Variants in EZR observed in about 807,000 individuals in gnomAD.
The protein encoded by EZR is cytovillin 2.
Under a neutral mutation model 74.8 loss-of-function variants are expected in EZR, and 40 were observed. The observed-to-expected ratio is 0.53, with a 90% confidence interval of 0.42 to 0.70. The LOEUF (loss-of-function observed/expected upper bound fraction) is 0.70. Ranked by LOEUF, EZR falls within the 30% of genes least tolerant of loss-of-function variation. The probability of loss-of-function intolerance (pLI) is 0.00; values close to 1 mark genes in which losing one functional copy is unlikely to be tolerated. For synonymous variants in EZR, 341 were observed against 283.3 expected, an observed-to-expected ratio of 1.20 and a Z score of -2.05; for missense variants, 678 against 755.8, an observed-to-expected ratio of 0.90 and a Z score of 1.21.
At position 158,766,187 on chromosome 6, in the gene EZR, T is replaced by C. The variant is rs1790795904; in HGVS notation, c.*727A>G. 1 of 152,618 alleles carries C rather than the reference T, an allele frequency of 6.6e-6. No individual in the cohort carries two copies. Among genetic ancestry groups the C allele is most frequent in the Non-Finnish European group, 1.5e-5 (1 of 68,046 alleles). 9.5% of individuals were successfully genotyped at this position (152,618 alleles called of 1,614,324 possible). ...GGTAACAAAATATACAGAACAAAAC[T>C]TTCCCTTTTTAAAACTAATGTTACA... On this transcript the variant is annotated 3_prime_UTR_variant, in exon 14 of 14. Coordinates refer to ENST00000367075, the MANE Select transcript of EZR (RefSeq NM_001111077.2).
intron 2 of EZR, among the ~76,000 whole-genome samples, chr6:158,804,439 G>A (rs969344941): frequency 6.6e-6 from 1 of 152,184 alleles, no homozygotes; most frequent in Admixed American, 6.5e-5. Flanking sequence ...TGAAGTCTAA[G>A]TCTTGATTGT....
At position 158,769,877 on chromosome 6, in the gene EZR, G is replaced by A. The variant is rs552037775; in HGVS notation, c.1158C>T (p.Ala386=). Residue 386 remains alanine, a synonymous_variant, in exon 11 of 14, where the codon GCC becomes GCT. Coordinates refer to ENST00000367075, the MANE Select transcript of EZR (RefSeq NM_001111077.2). ...CCATACGGTCAGCCTCTAGGCGCTC[G>A]GCCTCCTCCTGTGCCCGCTTCCTCT... ...EEERKRAQEE[A]ERLEADRMAA... 1.7e-5 allele frequency: 27 copies of A among 1,613,482 alleles called. No homozygotes were observed. Among genetic ancestry groups the A allele is most frequent in the Admixed American group, 1.7e-4 (10 of 59,984 alleles).
chr6:158,780,759 C>T (rs777117487), intron 7 of EZR, among the ~76,000 whole-genome samples: 1 of 152,192 alleles, frequency 6.6e-6, no homozygotes, highest in African/African-American at 2.4e-5. Context: ...GTTTTTGGTC[C>T]GAGTGTCAGG....
At chr6:158,816,238 T>C (rs1287346069) in intron 2 of EZR, among the ~76,000 whole-genome samples, 1 of 152,210 alleles carries the variant, frequency 6.6e-6, no homozygotes, top group Non-Finnish European at 1.5e-5. Flanking sequence ...GTTCTGGAGA[T>C]GGACCTTGGT....
intron 2 of EZR, among the ~76,000 whole-genome samples, chr6:158,798,052 G>A (rs1220731571): frequency 1.3e-5 from 2 of 152,154 alleles, no homozygotes; most frequent in Non-Finnish European, 2.9e-5. Context: ...GCCTATTCTG[G>A]ACATTTCAGA....
chr6:158,816,651 CTG>C (rs1289210641), intron 2 of EZR, among the ~76,000 whole-genome samples: 6 of 152,196 alleles, frequency 3.9e-5, no homozygotes, highest in Non-Finnish European at 7.3e-5. Flanking sequence ...AGAAAATACT[CTG>C]CATCACAAAT....
intron 2 of EZR, among the ~76,000 whole-genome samples, chr6:158,814,503 T>A (rs1777513087): frequency 6.6e-6 from 1 of 151,486 alleles, no homozygotes; most frequent in African/African-American, 2.4e-5. Context: ...AAGGTCTGCC[T>A]CGCCCTCTGT....
intron 8 of EZR, among the ~76,000 whole-genome samples, chr6:158,771,760 C>G (rs1050568616): frequency 6.6e-6 from 1 of 152,202 alleles, no homozygotes; most frequent in Non-Finnish European, 1.5e-5. Flanking sequence ...AAGGTGAGAA[C>G]TCTCAGCCTT....
chr6:158,789,256 G>T lies in EZR; in HGVS notation c.96+32C>A, dbSNP rs1240971429. 5 of 1,536,374 alleles carry T rather than the reference G, an allele frequency of 3.3e-6. No homozygotes were observed. In the Admixed American group the frequency reaches 5.5e-5, roughly 17 times the overall value. On this transcript the variant is annotated intron_variant, in intron 3 of 13. Coordinates refer to ENST00000367075, the MANE Select transcript of EZR (RefSeq NM_001111077.2). ...TGTTGCAAAACAGTTTTTTTTTGTAGGTGGAGTTAACTCTCAAGTTCAGAG... is the reference window on the plus strand; with the variant it reads ...TGTTGCAAAACAGTTTTTTTTTGTATGTGGAGTTAACTCTCAAGTTCAGAG...
At chr6:158,790,860 T>TA (rs1400361512) in intron 2 of EZR, among the ~76,000 whole-genome samples, 2 of 152,176 alleles carry the variant, frequency 1.3e-5, no homozygotes, top group Non-Finnish European at 2.9e-5. Context: ...CTATAATGCT[T>TA]AATATTAAGA....
At chr6:158,817,732 CTG>C (rs1777589164) in intron 2 of EZR, among the ~76,000 whole-genome samples, 1 of 152,194 alleles carries the variant, frequency 6.6e-6, no homozygotes, top group South Asian at 2.1e-4. Context: ...CTGAGTCTCC[CTG>C]TGATTTGGAC....
At chr6:158,787,994 A>G (rs972938737) in intron 3 of EZR, among the ~76,000 whole-genome samples, 1 of 152,236 alleles carries the variant, frequency 6.6e-6, no homozygotes, top group African/African-American at 2.4e-5. Context: ...CATTTGTTGA[A>G]CATCATCTAA....
At chr6:158,787,249 A>G (rs758860404) in intron 3 of EZR, 46 bp from the exon 4 acceptor site, 15 of 1,527,946 alleles carry the variant, frequency 9.8e-6, no homozygotes, top group Admixed American at 8.4e-5. Flanking sequence ...AAACTCACTC[A>G]AAAGGGCAAC....
At chr6:158,781,225 A>C (rs1428669138) in intron 7 of EZR, among the ~76,000 whole-genome samples, 1 of 152,224 alleles carries the variant, frequency 6.6e-6, no homozygotes, top group Non-Finnish European at 1.5e-5. Context: ...ATATTTGTTC[A>C]AAAGGGAAAG....
At chr6:158,804,536 A>G (rs898432286) in intron 2 of EZR, among the ~76,000 whole-genome samples, 1 of 152,258 alleles carries the variant, frequency 6.6e-6, no homozygotes, top group South Asian at 2.1e-4. Flanking sequence ...AATTATACAC[A>G]GAAACTTAAG....
chr6:158,766,561 C>G lies in EZR; in HGVS notation c.*353G>C, dbSNP rs1790856818. ...AAGTATGGCACAGATGGAAGTCCTG[C>G]CACGTTTCCTTTAATGATGCTGACT... On this transcript the variant is annotated 3_prime_UTR_variant, in exon 14 of 14. Transcript: ENST00000367075. 1 of 220,154 alleles carries G rather than the reference C, an allele frequency of 4.5e-6. No homozygotes were observed. Among genetic ancestry groups the G allele is most frequent in the Non-Finnish European group, 8.8e-6 (1 of 113,132 alleles). The allele number at this position is 220,154 out of a possible 1,614,324, so 13.6% of individuals were successfully genotyped here. A position where few individuals can be genotyped will look rare whatever the true frequency, so the allele number is the denominator to read the frequency against.
intron 7 of EZR, among the ~76,000 whole-genome samples, chr6:158,781,491 C>T (rs1791430896): frequency 6.6e-6 from 1 of 152,182 alleles, no homozygotes; most frequent in Non-Finnish European, 1.5e-5. Flanking sequence ...TGGACACTTA[C>T]GTGGGCTGGG....
At chr6:158,803,979 T>C (rs1777274060) in intron 2 of EZR, among the ~76,000 whole-genome samples, 1 of 151,488 alleles carries the variant, frequency 6.6e-6, no homozygotes, top group South Asian at 2.1e-4. Flanking sequence ...CCCTCCCTAC[T>C]GTCCACTGCA....
chr6:158,768,336 G>A (rs763072084), intron 12 of EZR, among the ~76,000 whole-genome samples: 1 of 152,052 alleles, frequency 6.6e-6, no homozygotes, highest in Non-Finnish European at 1.5e-5. Context: ...GGGACTGTGA[G>A]TCAATTAAAC....
Sources: gnomAD v4.1 joint callset for allele counts (sites outside exome capture counted in the v4.1 genomes callset) on GRCh38, gnomAD v4.1.1 for gene constraint, MANE v1.5 for transcripts, NCBI Gene and HGNC (gene_info 2026-07-23, HGNC 2026-07-21) for gene names.